GLCE: variants seen among roughly 807,000 people sequenced by gnomAD.
The protein encoded by GLCE is D-glucuronyl C5-epimerase.
GLCE carries 19 observed loss-of-function variants against 47.9 expected under a neutral mutation model. The ratio of observed to expected loss-of-function variants is 0.40; its 90% CI spans 0.28 to 0.58. The LOEUF is 0.58. Among genes scored for constraint, GLCE ranks in the 20% least tolerant of loss-of-function variants. The pLI, the probability that GLCE is intolerant of heterozygous loss-of-function variation, is 0.48. For missense variants in GLCE, 556 were observed against 743.3 expected (o/e 0.75, Z 2.93); for synonymous variants, 245 against 263.4 (o/e 0.93, Z 0.68).
intron 2 of GLCE, among the ~76,000 whole-genome samples, chr15:69,224,352 T>A (rs575746726): frequency 7.2e-5 from 11 of 152,352 alleles, no homozygotes; most frequent in African/African-American, 2.4e-4. Flanking sequence ...TTCCTGGACA[T>A]GCATGATCAT....
chr15:69,264,755 T>C (rs1252885652), intron 4 of GLCE, among the ~76,000 whole-genome samples: 1 of 152,202 alleles, frequency 6.6e-6, no homozygotes, highest in Non-Finnish European at 1.5e-5. Context: ...TGATGATATA[T>C]CATTGTGGTT....
At chr15:69,181,427 G>A (rs2051747380) in intron 1 of GLCE, among the ~76,000 whole-genome samples, 1 of 152,162 alleles carries the variant, frequency 6.6e-6, no homozygotes, top group Non-Finnish European at 1.5e-5. Context: ...TGAAGAACTA[G>A]CAAAGGAAAC....
At chr15:69,189,261 A>G (rs1211293594) in intron 1 of GLCE, among the ~76,000 whole-genome samples, 1 of 152,158 alleles carries the variant, frequency 6.6e-6, no homozygotes, top group Non-Finnish European at 1.5e-5. Flanking sequence ...GCCTTTTTCA[A>G]AGTTTCATAC....
At chr15:69,255,515 A>G (rs754528966) in intron 2 of GLCE, among the ~76,000 whole-genome samples, 23 of 152,130 alleles carry the variant, frequency 1.5e-4, no homozygotes, top group Non-Finnish European at 3.2e-4. Context: ...CCTAGGGGGC[A>G]TTGTGAAAAA....
In GLCE at chr15:69,237,464, G is replaced by A. The variant is rs545324475; in HGVS notation, c.-13-18330G>A. 1.4e-3 allele frequency among the ~76,000 whole-genome samples: 218 copies of A among 152,198 alleles called. 3 individuals carry two copies. The highest frequency in any genetic ancestry group is 2.4e-4 in the Non-Finnish European group (16 of 68,026). On this transcript the variant is annotated intron_variant, in intron 2 of 4. Transcript: ENST00000261858. The stretch of plus-strand genomic sequence containing the variant: ...ACAAAAAAAATCAGCCAAGCATGGT[G>A]GCGCACACCTGTAATCCCAGCTACT...
intron 1 of GLCE, among the ~76,000 whole-genome samples, chr15:69,209,660 T>C (rs1365678941): frequency 6.6e-6 from 1 of 152,092 alleles, no homozygotes. Context: ...TTTGAGGTGT[T>C]GCTCTCCCAT....
chr15:69,224,191 G>T (rs533839991), intron 2 of GLCE, among the ~76,000 whole-genome samples: 1 of 152,274 alleles, frequency 6.6e-6, no homozygotes, highest in South Asian at 2.1e-4. Context: ...CTGGAAATCA[G>T]ATTTTCTCCT....
chr15:69,168,469 ATCTCT>A (rs140407363), intron 1 of GLCE, among the ~76,000 whole-genome samples: 1,638 of 152,120 alleles, frequency 0.011, 13 homozygotes, highest in Non-Finnish European at 0.018. Context: ...TAAGCCTCTC[ATCTCT>A]TCTTTTCTTT....
At chr15:69,226,398 G>T (rs138741925) in intron 2 of GLCE, among the ~76,000 whole-genome samples, 2 of 152,296 alleles carry the variant, frequency 1.3e-5, no homozygotes, top group East Asian at 3.9e-4. Flanking sequence ...CTTCTGGTCT[G>T]TATAAACCCT....
intron 2 of GLCE, among the ~76,000 whole-genome samples, chr15:69,243,878 C>T (rs781270703): frequency 2.6e-5 from 4 of 152,124 alleles, no homozygotes; most frequent in Non-Finnish European, 5.9e-5. Context: ...GGCTTCAAGT[C>T]ATCCTCCCAC....
At chr15:69,213,614 T>G (rs1347335176) in intron 2 of GLCE, among the ~76,000 whole-genome samples, 1 of 152,138 alleles carries the variant, frequency 6.6e-6, no homozygotes, top group Admixed American at 6.6e-5. Flanking sequence ...GTCTATCAGA[T>G]TTCTCTATTA....
intron 3 of GLCE, among the ~76,000 whole-genome samples, chr15:69,258,001 AT>A (rs1443450155): frequency 1.3e-5 from 2 of 151,444 alleles, no homozygotes; most frequent in Admixed American, 1.3e-4. Flanking sequence ...ATTTTATTTT[AT>A]TTTTAATTTT....
chr15:69,168,303 C>T (rs2051535554), intron 1 of GLCE, among the ~76,000 whole-genome samples: 1 of 152,076 alleles, frequency 6.6e-6, no homozygotes, highest in Non-Finnish European at 1.5e-5. Flanking sequence ...AATTAAAAAA[C>T]ATAAGACCCT....
chr15:69,243,054 G>A (rs1443382002), intron 2 of GLCE, among the ~76,000 whole-genome samples: 28 of 99,206 alleles, frequency 2.8e-4, no homozygotes, highest in African/African-American at 1.3e-3. Flanking sequence ...GAGAGATCCT[G>A]TCCAAAAAAA....
chr15:69,216,546 A>C (rs1295045044), intron 2 of GLCE, among the ~76,000 whole-genome samples: 2 of 152,106 alleles, frequency 1.3e-5, no homozygotes, highest in African/African-American at 4.8e-5. Context: ...TTTAAGCCTG[A>C]TACTTACTAT....
chr15:69,255,791 T>C lies in GLCE; in HGVS notation c.-13-3T>C. 6.5e-7 allele frequency: 1 copy of C among 1,536,174 alleles called. No homozygotes were observed. The highest frequency in any genetic ancestry group is 9.0e-7 in the Non-Finnish European group (1 of 1,114,604). On this transcript the variant is annotated splice_region_variant and splice_polypyrimidine_tract_variant and intron_variant, in intron 2 of 4. Coordinates refer to ENST00000261858, the MANE Select transcript of GLCE (RefSeq NM_015554.3). ...ATGATTTTTTTTCTTCTTGCCTCCATAGGTATGGTCTGAATATGCGTTGCT... is the reference window on the plus strand; with the variant it reads ...ATGATTTTTTTTCTTCTTGCCTCCACAGGTATGGTCTGAATATGCGTTGCT...
intron 3 of GLCE, among the ~76,000 whole-genome samples, chr15:69,260,252 G>GTTTTTT (rs34911776): frequency 1.1e-4 from 9 of 79,252 alleles, no homozygotes; most frequent in African/African-American, 1.3e-4. Flanking sequence ...GTCACAACTG[G>GTTTTTT]TTTTTTTTTT....
intron 2 of GLCE, among the ~76,000 whole-genome samples, chr15:69,232,476 T>C (rs1339502280): frequency 6.6e-6 from 1 of 152,188 alleles, no homozygotes; most frequent in Non-Finnish European, 1.5e-5. Flanking sequence ...TATGTATGTA[T>C]ATTAATATGT....
chr15:69,163,386 G>A (rs988260959), intron 1 of GLCE, among the ~76,000 whole-genome samples: 1 of 152,138 alleles, frequency 6.6e-6, no homozygotes, highest in African/African-American at 2.4e-5. Flanking sequence ...AATAAATACA[G>A]TTAAAAATTG....
Sources: allele counts gnomAD v4.1 joint callset (sites outside exome capture counted in the v4.1 genomes callset), GRCh38; gene constraint gnomAD v4.1.1; transcripts MANE v1.5; gene names NCBI Gene and HGNC (gene_info 2026-07-23, HGNC 2026-07-21).